MTA1: variants seen among roughly 807,000 people sequenced by gnomAD.
The protein encoded by MTA1 is metastasis associated 1.
MTA1 carries 15 observed loss-of-function variants against 97.0 expected under a neutral mutation model. That is an observed-to-expected ratio of 0.15 (90% CI 0.10 to 0.24). The LOEUF (loss-of-function observed/expected upper bound fraction) is 0.24, where lower values mean the gene tolerates loss of function less well. MTA1 is among the 10% of genes least tolerant of loss of function. The probability of loss-of-function intolerance (pLI) is 1.00; values close to 1 mark genes in which losing one functional copy is unlikely to be tolerated. For missense variants in MTA1, 709 were observed against 1,015.1 expected (o/e 0.70, Z 4.10); for synonymous variants, 435 against 417.5 (o/e 1.04, Z -0.51).
intron 18 of MTA1, chr14:105,468,894 G>A (rs1489280450): frequency 2.8e-5 from 8 of 286,326 alleles, no homozygotes; most frequent in Non-Finnish European, 5.6e-5. Flanking sequence ...CTCCCGCAGT[G>A]CCCCTTGGGC....
chr14:105,441,587 G>A (rs951322128), intron 2 of MTA1, among the ~76,000 whole-genome samples: 10 of 152,242 alleles, frequency 6.6e-5, no homozygotes, highest in Non-Finnish European at 8.8e-5. Flanking sequence ...AAGATCAGGA[G>A]ATCGAGACCA....
intron 7 of MTA1, among the ~76,000 whole-genome samples, chr14:105,455,070 G>C (rs1227472923): frequency 6.6e-6 from 1 of 151,880 alleles, no homozygotes; most frequent in Non-Finnish European, 1.5e-5. Flanking sequence ...CACCCCCCTA[G>C]TTTTTTTGTA....
At chr14:105,468,400 G>A (rs764638458) in intron 18 of MTA1, 4 of 1,300,050 alleles carry the variant, frequency 3.1e-6, no homozygotes, top group Non-Finnish European at 4.1e-6. Flanking sequence ...GCCTTGGCTT[G>A]TGGCAGGTGC....
chr14:105,447,317 G>A (rs2082750547), intron 3 of MTA1, among the ~76,000 whole-genome samples: 1 of 152,214 alleles, frequency 6.6e-6, no homozygotes. Context: ...GTTGAGTTGG[G>A]CATGTTTATG....
At chr14:105,442,335 G>A (rs917981735) in intron 2 of MTA1, among the ~76,000 whole-genome samples, 9 of 152,292 alleles carry the variant, frequency 5.9e-5, no homozygotes, top group South Asian at 4.1e-4. Context: ...ACTCCTCCGC[G>A]CCTTTCCAAC....
Position 105,419,999 on chromosome 14 carries a change from G to A in MTA1, c.-37G>A, listed in dbSNP as rs1204725994. ...CCCGGCCGCCCGCGCCGAGCGCCGC[G>A]CCCGCCCCGGGCCCCTCCGCCGCCG... On this transcript the variant is annotated 5_prime_UTR_variant, in exon 1 of 21. Coordinates refer to ENST00000331320, the MANE Select transcript of MTA1 (RefSeq NM_004689.4). The A allele has an allele frequency of 1.0e-6, 1 of 1,003,926 alleles. No individual in the cohort carries two copies. Among genetic ancestry groups the A allele is most frequent in the Non-Finnish European group, 1.2e-6 (1 of 847,040 alleles). 62.2% of individuals were successfully genotyped at this position (1,003,926 alleles called of 1,614,324 possible). A position where few individuals can be genotyped will look rare whatever the true frequency, so the allele number is the denominator to read the frequency against.
rs943078317 is a variant in MTA1, at chr14:105,449,553, T to C, written c.241+144T>C. The C allele has an allele frequency of 3.5e-5, 30 of 868,756 alleles. No homozygotes were observed. The Admixed American group carries it at 8.2e-4, about 24-fold the overall frequency. The allele number at this position is 868,756 out of a possible 1,614,324, so 53.8% of individuals were successfully genotyped here. On this transcript the variant is annotated intron_variant, in intron 4 of 20. Coordinates refer to ENST00000331320, the MANE Select transcript of MTA1 (RefSeq NM_004689.4). ...GGCCGGCCCGGCTGAGGAGGGGCCC[T>C]CCCTTGTGTCCGGCCCACGGCCCAG...
chr14:105,432,907 G>A (rs2082219166), intron 1 of MTA1, among the ~76,000 whole-genome samples: 1 of 152,170 alleles, frequency 6.6e-6, no homozygotes, highest in Non-Finnish European at 1.5e-5. Flanking sequence ...GAGTGCAAGG[G>A]AAACGTCGAC....
chr14:105,424,499 CTTTT>C lies in MTA1; in HGVS notation c.28+4443_28+4446del, dbSNP rs111628172. Among the ~76,000 whole-genome samples, 1 of 146,938 alleles carries C rather than the reference CTTTT, an allele frequency of 6.8e-6. No individual in the cohort carries two copies. Among genetic ancestry groups the C allele is most frequent in the East Asian group, 2.0e-4 (1 of 5,060 alleles). On this transcript the variant is annotated intron_variant, in intron 1 of 20. Coordinates refer to ENST00000331320, the MANE Select transcript of MTA1 (RefSeq NM_004689.4). This position sits in a 1 kb window ranked among gnomAD's most constrained non-coding sequence, Gnocchi z 4.0. Reference sequence around the variant, plus strand: ...TACAGGCGTGAGCCACTGCGTCTGGCTTTTTTTTTTGTTTTTGAGACAGTCTCAC... The same window carrying C: ...TACAGGCGTGAGCCACTGCGTCTGGCTTTTTTGTTTTTGAGACAGTCTCAC...
Position 105,463,623 on chromosome 14 carries a change from C to T in MTA1, c.1076+72C>T, listed in dbSNP as rs1486488143. 2.8e-6 allele frequency: 4 copies of T among 1,452,208 alleles called. No homozygotes were observed. Among genetic ancestry groups the T allele is most frequent in the East Asian group, 2.3e-5 (1 of 43,954 alleles). The allele number at this position is 1,452,208 out of a possible 1,614,324, so 90.0% of individuals were successfully genotyped here. A position where few individuals can be genotyped will look rare whatever the true frequency, so the allele number is the denominator to read the frequency against. On this transcript the variant is annotated intron_variant, in intron 12 of 20. Coordinates refer to ENST00000331320, the MANE Select transcript of MTA1 (RefSeq NM_004689.4). The surrounding 1 kb of genome is among the most constrained non-coding windows in gnomAD (Gnocchi z 5.9). ...GGAGGGTGGGCACAGGGTGCTGGGG[C>T]CAGGCGGGTCCCAAGGAAACTCAAG...
chr14:105,454,126 C>T (rs913557070), intron 6 of MTA1, 67 bp from the exon 7 acceptor site: 17 of 1,238,716 alleles, frequency 1.4e-5, no homozygotes, highest in Middle Eastern at 2.0e-4. Flanking sequence ...GCCGTGCTGA[C>T]GCCTCTCTGA....
At chr14:105,464,347 G>C (rs1398644347) in intron 13 of MTA1, 69 bp from the exon 14 acceptor site, 1 of 1,587,372 alleles carries the variant, frequency 6.3e-7, no homozygotes, top group African/African-American at 1.3e-5. Context: ...GCGTGGGGGT[G>C]GCGGGGAATA....
rs948050479 is a variant in MTA1 at position 105,468,244 on chromosome 14, C to T, written c.1814-1223C>T. 15 of 1,225,080 alleles carry T rather than the reference C, an allele frequency of 1.2e-5. No individual in the cohort carries two copies. In the Admixed American group the frequency reaches 2.3e-4, roughly 19 times the overall value. 75.9% of individuals were successfully genotyped at this position (1,225,080 alleles called of 1,614,324 possible). ...GGCCATTTGCCCGTGCAGCCTGTTG[C>T]GCTGTCCCCACCTGCGGGGCCTGCA... On this transcript the variant is annotated intron_variant, in intron 18 of 20. Coordinates refer to ENST00000331320, the MANE Select transcript of MTA1 (RefSeq NM_004689.4).
intron 16 of MTA1, chr14:105,465,967 GA>G (rs2083564432): frequency 5.2e-6 from 1 of 192,954 alleles, no homozygotes; most frequent in South Asian, 9.3e-5. Flanking sequence ...CCTGTGGGAA[GA>G]GGTGGCTGGT....
At chr14:105,429,254 A>G (rs998814573) in intron 1 of MTA1, among the ~76,000 whole-genome samples, 1 of 152,106 alleles carries the variant, frequency 6.6e-6, no homozygotes, top group Non-Finnish European at 1.5e-5. Context: ...AAGGCCGTTC[A>G]GCTGTCTTAT....
chr14:105,464,460 C>G lies in MTA1; in HGVS notation c.1237C>G (p.Gln413Glu). ...GTATTCTTGGGGTCCCCCTAACATG[C>G]AGTGTCGTCTCTGCGCATCTTGTTG... ...QWYSWGPPNM[Q>E]CRLCASCWTY... Residue 413 changes from glutamine (Q) to glutamate (E), a missense_variant, in exon 14 of 21, where the codon CAG becomes GAG. Gln to Glu is a conservative substitution (Grantham distance 29). Transcript: ENST00000331320. 6.2e-7 allele frequency: 1 copy of G among 1,613,664 alleles called. No individual in the cohort carries two copies. Among genetic ancestry groups the G allele is most frequent in the Non-Finnish European group, 8.5e-7 (1 of 1,179,946 alleles).
chr14:105,469,829 C>T lies in MTA1; in HGVS notation c.1846-12C>T. On this transcript the variant is annotated splice_polypyrimidine_tract_variant and intron_variant, in intron 19 of 20. Coordinates refer to ENST00000331320, the MANE Select transcript of MTA1 (RefSeq NM_004689.4). Reference sequence around the variant, plus strand: ...CTTGGCTGGCTGCCCAGGAAGTGCACCCCCTCTGCAGGGACCAAGCCGGAA... The same window carrying T: ...CTTGGCTGGCTGCCCAGGAAGTGCATCCCCTCTGCAGGGACCAAGCCGGAA... The T allele has an allele frequency of 6.3e-7, 1 of 1,598,384 alleles. No individual in the cohort carries two copies. The highest frequency in any genetic ancestry group is 1.1e-5 in the South Asian group (1 of 88,970).
intron 20 of MTA1, 29 bp downstream of exon 20, chr14:105,470,021 G>GCTCC (rs1287978736): frequency 6.2e-7 from 1 of 1,612,374 alleles, no homozygotes; most frequent in East Asian, 2.2e-5. Flanking sequence ...AGGCGGGAGG[G>GCTCC]CTCCGCACAG....
intron 2 of MTA1, among the ~76,000 whole-genome samples, chr14:105,439,702 C>T (rs972094472): frequency 7.9e-5 from 12 of 152,184 alleles, no homozygotes; most frequent in Middle Eastern, 3.4e-3. Context: ...CTTCACAGAC[C>T]TCTCTGTGCC....
Sources: gnomAD v4.1 joint callset for allele counts (sites outside exome capture counted in the v4.1 genomes callset) on GRCh38, gnomAD v4.1.1 for gene constraint, Gnocchi (gnomAD v3.1) non-coding constraint, MANE v1.5 for transcripts, NCBI Gene and HGNC (gene_info 2026-07-23, HGNC 2026-07-21) for gene names.